WDR75: variants seen among roughly 807,000 people sequenced by gnomAD.
WDR75 encodes WD repeat domain 75.
A neutral mutation model predicts 106.1 loss-of-function variants in WDR75; 52 were observed. The observed-to-expected ratio is 0.49, with a 90% CI of 0.39 to 0.62. WDR75 has a LOEUF of 0.62. Ranked by LOEUF, WDR75 falls within the 20% of genes least tolerant of loss-of-function variation. WDR75 has a pLI of 0.00. For synonymous variants in WDR75, 333 were observed against 335.5 expected (o/e 0.99, Z 0.08); for missense variants, 905 against 970.3 (o/e 0.93, Z 0.89).
At chr2:189,450,206 A>T in intron 2 of WDR75, 1 of 985,412 alleles carries the variant, frequency 1.0e-6, no homozygotes, top group Non-Finnish European at 1.2e-6. Context: ...GATTGGAAGA[A>T]ATTTTTTTAA....
chr2:189,450,184 T>C, intron 2 of WDR75: 3 of 980,802 alleles, frequency 3.1e-6, no homozygotes, highest in Non-Finnish European at 3.6e-6. Flanking sequence ...ATGAAAGTAT[T>C]GGTCCTTGAT....
intron 8 of WDR75, among the ~76,000 whole-genome samples, chr2:189,460,242 AG>A (rs1393422483): frequency 1.3e-5 from 2 of 152,190 alleles, no homozygotes; most frequent in African/African-American, 2.4e-5. Flanking sequence ...TTCTTTCTGC[AG>A]GTCTTCCTGG....
intron 1 of WDR75, among the ~76,000 whole-genome samples, chr2:189,447,326 A>G (rs1686522162): frequency 6.6e-6 from 1 of 152,250 alleles, no homozygotes; most frequent in Admixed American, 6.5e-5. Context: ...CTGCTGCTAC[A>G]TGGAAGAAAT....
At chr2:189,466,368 TTA>T in intron 12 of WDR75, 55 bp from the exon 13 acceptor site, 11 of 1,575,562 alleles carry the variant, frequency 7.0e-6, no homozygotes, top group Non-Finnish European at 9.5e-6. Context: ...TCAGAAATTC[TTA>T]TATACATCAC....
At chr2:189,468,411 C>A in intron 14 of WDR75, 64 bp from the exon 15 acceptor site, 1 of 1,448,714 alleles carries the variant, frequency 6.9e-7, no homozygotes, top group Non-Finnish European at 9.7e-7. Context: ...TGGAAGCCTG[C>A]AGTTCTTTGT....
At chr2:189,450,232 G>A in intron 2 of WDR75, 1 of 985,454 alleles carries the variant, frequency 1.0e-6, no homozygotes, top group South Asian at 4.7e-5. Context: ...ATATTCTTCA[G>A]TCACTTGAGA....
chr2:189,459,306 C>A, intron 7 of WDR75, 30 bp from the exon 8 acceptor site: 2 of 1,544,728 alleles, frequency 1.3e-6, no homozygotes, highest in South Asian at 2.3e-5. Context: ...AACCTATGGT[C>A]AAAATAAGAG....
At chr2:189,456,283 G>C (rs754413136) in intron 5 of WDR75, among the ~76,000 whole-genome samples, 2 of 152,044 alleles carry the variant, frequency 1.3e-5, no homozygotes, top group African/African-American at 4.8e-5. Flanking sequence ...TTTACCTAGC[G>C]ATTCCATTCC....
chr2:189,461,325 A>T (rs1686878343), intron 8 of WDR75, among the ~76,000 whole-genome samples: 1 of 152,194 alleles, frequency 6.6e-6, no homozygotes, highest in Non-Finnish European at 1.5e-5. Flanking sequence ...AAACCATTAG[A>T]TTTAATTGGC....
intron 2 of WDR75, chr2:189,448,917 A>G (rs1574188448): frequency 2.1e-6 from 1 of 469,790 alleles, no homozygotes; most frequent in South Asian, 1.6e-5. Flanking sequence ...AATGTTGGCC[A>G]GGAGGTATTG....
chr2:189,441,736 A>C (rs1269285156), intron 1 of WDR75, among the ~76,000 whole-genome samples, 158 bp downstream of exon 1: 4 of 152,074 alleles, frequency 2.6e-5, no homozygotes, highest in Non-Finnish European at 4.4e-5. Context: ...GGTACCTGGG[A>C]GGTCCCGTTA....
intron 18 of WDR75, among the ~76,000 whole-genome samples, chr2:189,472,406 T>G (rs1687135576): frequency 6.6e-6 from 1 of 152,206 alleles, no homozygotes; most frequent in South Asian, 2.1e-4. Context: ...TAATTACTTC[T>G]TTCTCTATTC....
At chr2:189,442,211 A>C (rs1686387624) in intron 1 of WDR75, among the ~76,000 whole-genome samples, 1 of 152,050 alleles carries the variant, frequency 6.6e-6, no homozygotes, top group African/African-American at 2.4e-5. Flanking sequence ...GACAATATTT[A>C]GTTCATCTCA....
chr2:189,461,787 G>A (rs943322082), intron 8 of WDR75, among the ~76,000 whole-genome samples: 1 of 152,104 alleles, frequency 6.6e-6, no homozygotes, highest in Non-Finnish European at 1.5e-5. Flanking sequence ...AATCAAAATG[G>A]TAATAATATT....
intron 17 of WDR75, 78 bp downstream of exon 17, chr2:189,470,323 T>C: frequency 6.8e-7 from 1 of 1,480,576 alleles, no homozygotes. Flanking sequence ...TTGGTGTGAG[T>C]TTGTTTCTAG....
At chr2:189,451,053 C>A in intron 3 of WDR75, 85 bp downstream of exon 3, 4 of 1,412,818 alleles carry the variant, frequency 2.8e-6, no homozygotes, top group East Asian at 2.7e-5. Flanking sequence ...TCTATAAGGC[C>A]AAATATTTAA....
intron 9 of WDR75, among the ~76,000 whole-genome samples, chr2:189,463,432 T>C (rs1686940203): frequency 6.6e-6 from 1 of 152,156 alleles, no homozygotes; most frequent in African/African-American, 2.4e-5. Flanking sequence ...CTCAGGTGAC[T>C]CCTTCACCTT....
intron 18 of WDR75, among the ~76,000 whole-genome samples, chr2:189,473,342 A>AT (rs1687152156): frequency 6.6e-6 from 1 of 152,190 alleles, no homozygotes; most frequent in Non-Finnish European, 1.5e-5. Flanking sequence ...TGATCTTGCC[A>AT]TCTCAGGTCT....
intron 8 of WDR75, among the ~76,000 whole-genome samples, chr2:189,459,933 T>C (rs907839779): frequency 2.6e-5 from 4 of 152,232 alleles, no homozygotes; most frequent in African/African-American, 9.6e-5. Flanking sequence ...TTTTTAACTG[T>C]TACATGGCCT....
Sources: allele counts gnomAD v4.1 joint callset (sites outside exome capture counted in the v4.1 genomes callset), GRCh38; gene constraint gnomAD v4.1.1; transcripts MANE v1.5; gene names NCBI Gene and HGNC (gene_info 2026-07-23, HGNC 2026-07-21).